ACRBP: variants seen among roughly 807,000 people sequenced by gnomAD.
ACRBP encodes acrosin-binding protein.
ACRBP carries 52 observed loss-of-function variants against 69.0 expected under a neutral mutation model. The observed-to-expected ratio is 0.75, with a 90% confidence interval of 0.60 to 0.95. ACRBP has a LOEUF of 0.95. ACRBP is among the 40% of genes least tolerant of loss of function. The pLI is 0.00. For missense variants in ACRBP, 604 were observed against 673.0 expected, an observed-to-expected ratio of 0.90 and a Z score of 1.13; for synonymous variants, 267 against 258.9, an observed-to-expected ratio of 1.03 and a Z score of -0.30.
intron 3 of ACRBP, 106 bp downstream of exon 3, chr12:6,646,377 G>C (rs1001125348): frequency 1.0e-6 from 1 of 963,996 alleles, no homozygotes; most frequent in African/African-American, 1.6e-5. Context: ...TGGCAGGGAA[G>C]GAGGAGCTAA....
At position 6,640,263 on chromosome 12, in the gene ACRBP, C is replaced by T. The variant is rs905253039; in HGVS notation, c.1258-36G>A. On this transcript the variant is annotated intron_variant, in intron 7 of 9. Transcript: ENST00000229243. This position sits in a 1 kb window ranked among gnomAD's most constrained non-coding sequence, Gnocchi z 5.3. ...GGAGATAGGGGAGAGGTGCGTGCCC[C>T]TCCCCACCTGCTGGCCACCACCACC... The T allele has an allele frequency of 6.2e-7, 1 of 1,612,950 alleles. No individual in the cohort carries two copies. Among genetic ancestry groups the T allele is most frequent in the African/African-American group, 1.3e-5 (1 of 74,902 alleles).
At chr12:6,646,608 C>A (rs1402445475) in intron 2 of ACRBP, 31 bp from the exon 3 acceptor site, 2 of 1,602,324 alleles carry the variant, frequency 1.2e-6, no homozygotes, top group Non-Finnish European at 1.7e-6. Context: ...AGAAGATGAA[C>A]CCGTGGGGAG....
chr12:6,641,694 C>G (rs1444420800), intron 6 of ACRBP, among the ~76,000 whole-genome samples: 1 of 152,160 alleles, frequency 6.6e-6, no homozygotes, highest in African/African-American at 2.4e-5. Flanking sequence ...GGGTTCTTGG[C>G]CCCTTAAGAG....
Position 6,638,075 on chromosome 12 carries a change from T to C in ACRBP, c.*207A>G. 1.5e-6 allele frequency: 1 copy of C among 646,126 alleles called. No individual in the cohort carries two copies. The highest frequency in any genetic ancestry group is 2.0e-5 in the South Asian group (1 of 49,748). The allele number at this position is 646,126 out of a possible 1,614,324, so 40.0% of individuals were successfully genotyped here. On this transcript the variant is annotated 3_prime_UTR_variant, in exon 10 of 10. Transcript: ENST00000229243. ...CATAACCAGAACAGGCCACACAGGC[T>C]GAAGATCAACATTTTATGTAAAGTC...
At chr12:6,644,078 A>C (rs759313992) in intron 5 of ACRBP, 59 bp downstream of exon 5, 1 of 1,521,754 alleles carries the variant, frequency 6.6e-7, no homozygotes, top group South Asian at 1.3e-5. Flanking sequence ...TGGGCTTCTC[A>C]CTCCCAAGAA....
intron 8 of ACRBP, among the ~76,000 whole-genome samples, chr12:6,639,437 C>T (rs1423061200): frequency 1.3e-5 from 2 of 152,212 alleles, no homozygotes; most frequent in African/African-American, 2.4e-5. Flanking sequence ...CCTCGCCTCC[C>T]CATTCCAGAT....
chr12:6,641,454 T>A (rs1949052304), intron 6 of ACRBP, among the ~76,000 whole-genome samples: 1 of 152,152 alleles, frequency 6.6e-6, no homozygotes, highest in South Asian at 2.1e-4. Context: ...GTGCAAATGC[T>A]CATGTTGCCA....
intron 5 of ACRBP, 88 bp downstream of exon 5, chr12:6,644,049 G>A: frequency 6.6e-7 from 1 of 1,514,782 alleles, no homozygotes; most frequent in Non-Finnish European, 8.8e-7. Flanking sequence ...AGTGGATCTG[G>A]AGGCTGAAGC....
intron 5 of ACRBP, 131 bp from the exon 6 acceptor site, chr12:6,643,802 G>A: frequency 2.3e-6 from 3 of 1,293,280 alleles, no homozygotes; most frequent in South Asian, 1.4e-5. Flanking sequence ...TGGGGCCTTA[G>A]AGGCCTCTGG....
chr12:6,647,093 CA>C, intron 1 of ACRBP, 81 bp from the exon 2 acceptor site: 2 of 1,325,552 alleles, frequency 1.5e-6, no homozygotes, highest in Non-Finnish European at 2.1e-6. Context: ...CCCAGACTGG[CA>C]AATTAGGAAC....
rs1237279191 is a variant in ACRBP, at chr12:6,638,125, C to T, written c.*157G>A. On this transcript the variant is annotated 3_prime_UTR_variant, in exon 10 of 10. Transcript: ENST00000229243. ...CATCTTTTAAGGAGGGCGCAGCTCC[C>T]ACCGTGGCCCTCTCTGGGACTGTTG... 4.0e-6 allele frequency: 4 copies of T among 996,720 alleles called. No homozygotes were observed. Among genetic ancestry groups the T allele is most frequent in the African/African-American group, 3.3e-5 (2 of 61,494 alleles). 61.7% of individuals were successfully genotyped at this position (996,720 alleles called of 1,614,324 possible).
chr12:6,640,531 G>C lies in ACRBP; in HGVS notation c.1078-9C>G, dbSNP rs1057234968. ...CCAAGGCTGTCACAGACCTGGGGCA[G>C]GGGAATGGGTGAGGCTGAAGCTGAG... On this transcript the variant is annotated splice_polypyrimidine_tract_variant and intron_variant, in intron 6 of 9. Coordinates refer to ENST00000229243, the MANE Select transcript of ACRBP (RefSeq NM_032489.3). This position sits in a 1 kb window ranked among gnomAD's most constrained non-coding sequence, Gnocchi z 5.3. 1 of 1,612,154 alleles carries C rather than the reference G, an allele frequency of 6.2e-7. No individual in the cohort carries two copies. Among genetic ancestry groups the C allele is most frequent in the Non-Finnish European group, 8.5e-7 (1 of 1,178,948 alleles).
intron 4 of ACRBP, 106 bp from the exon 5 acceptor site, chr12:6,644,711 AC>A: frequency 6.9e-7 from 1 of 1,459,370 alleles, no homozygotes; most frequent in Non-Finnish European, 9.1e-7. Flanking sequence ...ACCAAGTCAC[AC>A]TTATACACAC....
At position 6,638,939 on chromosome 12, in the gene ACRBP, G is replaced by T; in HGVS notation, c.1509+15C>A. ...GGGGTGCTGGGAGAAGGAGGGGCAG[G>T]GCAGGGGTGCTCACCTTCCGATTGC... On this transcript the variant is annotated intron_variant, in intron 9 of 9. Transcript: ENST00000229243. The T allele has an allele frequency of 6.2e-7, 1 of 1,613,088 alleles. No homozygotes were observed. Among genetic ancestry groups the T allele is most frequent in the Non-Finnish European group, 8.5e-7 (1 of 1,179,374 alleles).
intron 4 of ACRBP, 102 bp from the exon 5 acceptor site, chr12:6,644,707 T>G: frequency 6.8e-7 from 1 of 1,479,988 alleles, no homozygotes; most frequent in Admixed American, 2.5e-5. Context: ...GCAGACCAAG[T>G]CACACTTATA....
rs373155152 is a variant in ACRBP at position 6,647,392 on chromosome 12, C to A, written c.-26G>T. Reference sequence around the variant, plus strand: ...GGCCGGAGAAGATCCGCCCGCGTCCCGTGGACACAAGCCGCCTCTAACGGG... The same window carrying A: ...GGCCGGAGAAGATCCGCCCGCGTCCAGTGGACACAAGCCGCCTCTAACGGG... On this transcript the variant is annotated 5_prime_UTR_variant, in exon 1 of 10. Coordinates refer to ENST00000229243, the MANE Select transcript of ACRBP (RefSeq NM_032489.3). 7.3e-6 allele frequency: 11 copies of A among 1,509,464 alleles called. No individual in the cohort carries two copies. Among genetic ancestry groups the A allele is most frequent in the Non-Finnish European group, 9.8e-6 (11 of 1,127,430 alleles). The allele number at this position is 1,509,464 out of a possible 1,614,324, so 93.5% of individuals were successfully genotyped here.
chr12:6,645,609 C>T (rs1384098152), intron 3 of ACRBP, among the ~76,000 whole-genome samples: 2 of 152,084 alleles, frequency 1.3e-5, no homozygotes, highest in African/African-American at 4.8e-5. Context: ...ATCTCTTTGC[C>T]TCTTCCCATC....
chr12:6,641,876 T>C (rs906257809), intron 6 of ACRBP, among the ~76,000 whole-genome samples: 2 of 152,200 alleles, frequency 1.3e-5, no homozygotes, highest in South Asian at 2.1e-4. Context: ...GGCGAGACCC[T>C]GTCTCTACAA....
Position 6,643,636 on chromosome 12 carries a change from A to C in ACRBP, c.980T>G (p.Val327Gly), listed in dbSNP as rs1283293868. ...LQLPHTEALL[V>G]LCYSIVENTC... ...ATTCTCCACGATCGAATAGCACAGCACCAGCAAGGCCTCTGTGTGGGGCAG... is the reference window on the plus strand; with the variant it reads ...ATTCTCCACGATCGAATAGCACAGCCCCAGCAAGGCCTCTGTGTGGGGCAG... Residue 327 changes from valine (V) to glycine (G), a missense_variant, in exon 6 of 10, where the codon GTG becomes GGG. Val to Gly is a moderately radical substitution (Grantham distance 109). Around this residue, in one of 3 missense-constraint regions of ACRBP, gnomAD observed 532 missense variants for 562.9 expected, o/e 0.95. Coordinates refer to ENST00000229243, the MANE Select transcript of ACRBP (RefSeq NM_032489.3). 1 of 1,614,176 alleles carries C rather than the reference A, an allele frequency of 6.2e-7. No homozygotes were observed. Among genetic ancestry groups the C allele is most frequent in the East Asian group, 2.2e-5 (1 of 44,876 alleles).
Sources: allele counts gnomAD v4.1 joint callset (sites outside exome capture counted in the v4.1 genomes callset), GRCh38; gene constraint gnomAD v4.1.1; regional missense constraint gnomAD v4.1.1; non-coding constraint Gnocchi (gnomAD v3.1); transcripts MANE v1.5; gene names NCBI Gene and HGNC (gene_info 2026-07-23, HGNC 2026-07-21).